The following ICOS variants were observed in gnomAD, a reference collection of about 807,000 sequenced individuals.
ICOS encodes the protein inducible T-cell costimulator.
In ICOS, 15 loss-of-function variants were observed where a neutral mutation model predicts 24.6. That is an observed-to-expected ratio of 0.61 (90% CI 0.41 to 0.94). The LOEUF (loss-of-function observed/expected upper bound fraction) is 0.94, where lower values mean the gene tolerates loss of function less well. ICOS is among the 40% of genes least tolerant of loss of function. The pLI, the probability that ICOS is intolerant of heterozygous loss-of-function variation, is 0.00. For missense variants in ICOS, 200 were observed against 233.0 expected (o/e 0.86, Z 0.92); for synonymous variants, 89 against 77.5 (o/e 1.15, Z -0.78).
chr2:203,954,521 G>A (rs929532245), intron 1 of ICOS, among the ~76,000 whole-genome samples: 1 of 152,116 alleles, frequency 6.6e-6, no homozygotes, highest in Non-Finnish European at 1.5e-5. Context: ...TCAAGGAAGT[G>A]GAGGCTACAA....
chr2:203,957,894 A>T lies in ICOS; in HGVS notation c.586+11A>T. On this transcript the variant is annotated intron_variant, in intron 4 of 4. Coordinates refer to ENST00000316386, the MANE Select transcript of ICOS (RefSeq NM_012092.4). The stretch of plus-strand genomic sequence containing the variant: ...AATCTAGACTCACAGGTATGACTCC[A>T]TTTGGGGGTTTGGGAAGGGAAGAGG... 6.4e-7 allele frequency: 1 copy of T among 1,554,344 alleles called. No individual in the cohort carries two copies. The highest frequency in any genetic ancestry group is 8.9e-7 in the Non-Finnish European group (1 of 1,125,900).
chr2:203,938,405 T>C (rs577272220), intron 1 of ICOS, among the ~76,000 whole-genome samples: 1 of 152,258 alleles, frequency 6.6e-6, no homozygotes, highest in Admixed American at 6.5e-5. Flanking sequence ...GTTAGGGAAC[T>C]AGAAGAAAGC....
chr2:203,945,685 A>C (rs1309750711), intron 1 of ICOS, among the ~76,000 whole-genome samples: 1 of 152,222 alleles, frequency 6.6e-6, no homozygotes, highest in Non-Finnish European at 1.5e-5. Flanking sequence ...AACTAAACAC[A>C]TAAAAGGGAC....
intron 3 of ICOS, 144 bp downstream of exon 3, chr2:203,956,909 T>C: frequency 1.5e-6 from 1 of 661,012 alleles, no homozygotes; most frequent in South Asian, 1.7e-5. Context: ...ACCTACTAAT[T>C]AAACTAATCA....
chr2:203,944,231 C>T (rs1165317307), intron 1 of ICOS, among the ~76,000 whole-genome samples: 1 of 152,196 alleles, frequency 6.6e-6, no homozygotes, highest in East Asian at 1.9e-4. Flanking sequence ...GTTTTATACC[C>T]TGCTCCTCTG....
intron 1 of ICOS, among the ~76,000 whole-genome samples, chr2:203,940,807 G>A (rs772455826): frequency 1.3e-4 from 20 of 151,174 alleles, no homozygotes; most frequent in Admixed American, 2.6e-4. Context: ...TTTTTGAGGC[G>A]GAGTCTCACT....
At chr2:203,950,490 G>A (rs554557577) in intron 1 of ICOS, among the ~76,000 whole-genome samples, 1 of 152,286 alleles carries the variant, frequency 6.6e-6, no homozygotes, top group East Asian at 1.9e-4. Flanking sequence ...TTACACTGGG[G>A]ATTAATTTTC....
rs1690085371 is a variant in ICOS at position 203,956,786 on chromosome 2, C to A, written c.501+21C>A. 5 of 1,425,422 alleles carry A rather than the reference C, an allele frequency of 3.5e-6. No individual in the cohort carries two copies. In the South Asian group the frequency reaches 5.7e-5, roughly 16 times the overall value. 88.3% of individuals were successfully genotyped at this position (1,425,422 alleles called of 1,614,324 possible). On this transcript the variant is annotated intron_variant, in intron 3 of 4. Transcript: ENST00000316386. ...AAAAGGTAAGCGATTTCTATCTTTC[C>A]TTGTATCTGCTTTACAGATGCACAT...
chr2:203,941,011 C>G lies in ICOS; in HGVS notation c.58+4139C>G, dbSNP rs563225819. On this transcript the variant is annotated intron_variant, in intron 1 of 4. Coordinates refer to ENST00000316386, the MANE Select transcript of ICOS (RefSeq NM_012092.4). ...GTGTTAGCCAGGATGGTCTCAATTTCCTGACCTCGTGATCCGCCCACCTCC... is the reference window on the plus strand; with the variant it reads ...GTGTTAGCCAGGATGGTCTCAATTTGCTGACCTCGTGATCCGCCCACCTCC... Among the ~76,000 whole-genome samples the G allele has an allele frequency of 1.1e-4, 17 of 152,154 alleles. No individual in the cohort carries two copies. The East Asian group carries it at 3.3e-3, about 29-fold the overall frequency.
At chr2:203,957,947 A>AT (rs5837889) in intron 4 of ICOS, 64 bp downstream of exon 4, 171,896 of 761,124 alleles carry the variant, frequency 0.23, 5,713 homozygotes, top group East Asian at 0.37. Context: ...TGGAATGTTA[A>AT]TTTTTTTTTT....
At chr2:203,937,788 T>A (rs1004048210) in intron 1 of ICOS, among the ~76,000 whole-genome samples, 1 of 151,580 alleles carries the variant, frequency 6.6e-6, no homozygotes, top group Non-Finnish European at 1.5e-5. Flanking sequence ...GAAAAAAAAA[T>A]GAAATCAAAT....
At chr2:203,937,505 C>G (rs541673737) in intron 1 of ICOS, among the ~76,000 whole-genome samples, 1 of 152,256 alleles carries the variant, frequency 6.6e-6, no homozygotes, top group South Asian at 2.1e-4. Context: ...ATAGCAGACT[C>G]TATATGGACA....
At chr2:203,949,721 G>A (rs1689936258) in intron 1 of ICOS, among the ~76,000 whole-genome samples, 1 of 152,132 alleles carries the variant, frequency 6.6e-6, no homozygotes, top group African/African-American at 2.4e-5. Context: ...AAGGAAGAAA[G>A]AACAAGAAGA....
chr2:203,937,613 G>C (rs1377974703), intron 1 of ICOS, among the ~76,000 whole-genome samples: 3 of 152,024 alleles, frequency 2.0e-5, no homozygotes, highest in Non-Finnish European at 4.4e-5. Flanking sequence ...CTTTCACACT[G>C]AGCCCTATTC....
chr2:203,945,249 A>T (rs1044430464), intron 1 of ICOS, among the ~76,000 whole-genome samples: 6 of 152,138 alleles, frequency 3.9e-5, no homozygotes, highest in African/African-American at 1.4e-4. Context: ...GACATGAAAA[A>T]GGTGTGGATT....
In ICOS at chr2:203,955,796, C is replaced by T; in HGVS notation, c.219C>T (p.Asn73=). The T allele has an allele frequency of 6.2e-7, 1 of 1,613,854 alleles. No individual in the cohort carries two copies. The highest frequency in any genetic ancestry group is 1.1e-5 in the South Asian group (1 of 91,084). Residue 73 remains asparagine, a synonymous_variant, in exon 2 of 5, where the codon AAC becomes AAT. Coordinates refer to ENST00000316386, the MANE Select transcript of ICOS (RefSeq NM_012092.4). ...CDLTKTKGSG[N]TVSIKSLKFC... ...TCACTAAGACAAAAGGAAGTGGAAA[C>T]ACAGTGTCCATTAAGAGTCTGAAAT...
rs1381692796 is a variant in ICOS at position 203,957,814 on chromosome 2, G to T, written c.517G>T (p.Val173Leu). ...TTTCTTTCAGAAGTATTCATCCAGT[G>T]TGCACGACCCTAACGGTGAATACAT... Reference protein sequence around the residue: ...WLTKKKYSSSVHDPNGEYMFM... With the variant: ...WLTKKKYSSSLHDPNGEYMFM... The change falls in exon 4 of 5, where the codon GTG becomes TTG. Residue 173 changes from valine to leucine, a missense_variant. Val to Leu is a conservative substitution (Grantham distance 32). Coordinates refer to ENST00000316386, the MANE Select transcript of ICOS (RefSeq NM_012092.4). 6.2e-7 allele frequency: 1 copy of T among 1,612,880 alleles called. No individual in the cohort carries two copies. The highest frequency in any genetic ancestry group is 1.1e-5 in the South Asian group (1 of 91,054).
chr2:203,946,411 T>A (rs2105748178), intron 1 of ICOS, among the ~76,000 whole-genome samples: 1 of 302 alleles, frequency 3.3e-3, no homozygotes, highest in South Asian at 0.25. Flanking sequence ...TTCTTCCCAT[T>A]TTTTTTTTTT....
chr2:203,940,325 G>C (rs905683802), intron 1 of ICOS, among the ~76,000 whole-genome samples: 6 of 152,162 alleles, frequency 3.9e-5, no homozygotes, highest in African/African-American at 1.4e-4. Context: ...TCCTCTTACA[G>C]TATTTCTCTT....
Sources: allele counts gnomAD v4.1 joint callset (sites outside exome capture counted in the v4.1 genomes callset), GRCh38; gene constraint gnomAD v4.1.1; transcripts MANE v1.5; gene names NCBI Gene and HGNC (gene_info 2026-07-23, HGNC 2026-07-21).